SH2B2: variants seen among roughly 807,000 people sequenced by gnomAD.
The protein encoded by SH2B2 is SH2B adaptor protein 2.
SH2B2 carries 37 observed loss-of-function variants against 35.7 expected under a neutral mutation model. The ratio of observed to expected loss-of-function variants is 1.04; its 90% CI spans 0.80 to 1.36. The LOEUF (loss-of-function observed/expected upper bound fraction) is 1.36. Ranked by LOEUF, SH2B2 falls within the 40% of genes most tolerant of loss-of-function variation. SH2B2 has a pLI of 0.00. For synonymous variants in SH2B2, 383 were observed against 376.4 expected (o/e 1.02, Z -0.20); for missense variants, 852 against 817.7 (o/e 1.04, Z -0.51).
At chr7:102,319,477 T>C (rs945210872) in intron 7 of SH2B2, among the ~76,000 whole-genome samples, 1 of 152,128 alleles carries the variant, frequency 6.6e-6, no homozygotes, top group Non-Finnish European at 1.5e-5. Context: ...TGACCTCCCG[T>C]GATCCATTCC....
chr7:102,313,960 AG>A (rs1289847868), intron 4 of SH2B2, among the ~76,000 whole-genome samples: 2 of 152,108 alleles, frequency 1.3e-5, no homozygotes, highest in East Asian at 1.9e-4. Context: ...TTTTGGGAAA[AG>A]GGGTTCTGGT....
At chr7:102,320,279 C>A in intron 7 of SH2B2, 52 bp from the exon 8 acceptor site, 1 of 1,470,692 alleles carries the variant, frequency 6.8e-7, no homozygotes, top group Non-Finnish European at 9.4e-7. Flanking sequence ...AGGCGCTTAC[C>A]CAGGTGCCCA....
At chr7:102,319,931 G>T in intron 7 of SH2B2, among the ~76,000 whole-genome samples, 1 of 152,050 alleles carries the variant, frequency 6.6e-6, no homozygotes, top group Non-Finnish European at 1.5e-5. Context: ...TGGGCTGGGG[G>T]AACCACCCAA....
Position 102,300,673 on chromosome 7 carries a change from G to A in SH2B2, c.123G>A (p.Lys41=). 2 of 1,548,358 alleles carry A rather than the reference G, an allele frequency of 1.3e-6. No homozygotes were observed. Among genetic ancestry groups the A allele is most frequent in the Non-Finnish European group, 1.7e-6 (2 of 1,144,496 alleles). Residue 41 remains lysine, a synonymous_variant, in exon 2 of 9, where the codon AAG becomes AAA. Transcript: ENST00000444095. ...AQAAAVDFAH[K]FCRFLRDNPA... Reference sequence around the variant, plus strand: ...CGGCCGCCGTGGACTTTGCGCACAAGTTCTGCCGTTTCCTGCGGGACAACC... The same window carrying A: ...CGGCCGCCGTGGACTTTGCGCACAAATTCTGCCGTTTCCTGCGGGACAACC...
upstream of SH2B2, among the ~76,000 whole-genome samples, chr7:102,286,366 T>A (rs1213446803): frequency 6.6e-6 from 1 of 152,166 alleles, no homozygotes; most frequent in Non-Finnish European, 1.5e-5. Context: ...GCTCCCATTG[T>A]CCCTGCTGCG....
Position 102,301,180 on chromosome 7 carries a change from G to A in SH2B2, c.630G>A (p.Ala210=). Residue 210 remains alanine (A), a synonymous_variant, in exon 2 of 9, where the codon GCG becomes GCA. Coordinates refer to ENST00000444095, the MANE Select transcript of SH2B2 (RefSeq NM_001359228.2). ...TCATGGTGGCCGACGACGCGGCCGCGGGCTCCGGGGGCTCGGCTCAGTGGC... is the reference window on the plus strand; with the variant it reads ...TCATGGTGGCCGACGACGCGGCCGCAGGCTCCGGGGGCTCGGCTCAGTGGC... ...LRFMVADDAA[A]GSGGSAQWQK... is the part of the protein sequence containing the mutation. 6.3e-7 allele frequency: 1 copy of A among 1,576,554 alleles called. No homozygotes were observed. The highest frequency in any genetic ancestry group is 8.6e-7 in the Non-Finnish European group (1 of 1,164,110).
chr7:102,319,512 TTACAGGCGTGAG>T (rs1413393222), intron 7 of SH2B2, among the ~76,000 whole-genome samples: 1 of 152,118 alleles, frequency 6.6e-6, no homozygotes. Context: ...AGTGCTGGGA[TTACAGGCGTGAG>T]CCACCACACC....
intron 1 of SH2B2, among the ~76,000 whole-genome samples, chr7:102,299,196 G>GTTTTTTTTTGTTTTTTTTT (rs1793046884): frequency 3.4e-5 from 1 of 29,132 alleles, no homozygotes; most frequent in Non-Finnish European, 6.2e-5. Flanking sequence ...ACCGCGCCTG[G>GTTTTTTTTTGTTTTTTTTT]CTTTTTTTTT....
chr7:102,308,419 G>A (rs1020665043), intron 3 of SH2B2, among the ~76,000 whole-genome samples: 11 of 152,208 alleles, frequency 7.2e-5, no homozygotes, highest in African/African-American at 2.7e-4. Context: ...CCCCTACTCA[G>A]TGTGCTTGGC....
intron 4 of SH2B2, among the ~76,000 whole-genome samples, chr7:102,309,821 G>A (rs1554555706): frequency 1.3e-5 from 2 of 152,142 alleles, no homozygotes. Context: ...GATGGGAGAG[G>A]GCAGAGAGAA....
intron 3 of SH2B2, among the ~76,000 whole-genome samples, chr7:102,307,830 G>A (rs1428988418): frequency 2.6e-5 from 4 of 151,828 alleles, no homozygotes; most frequent in African/African-American, 7.3e-5. Flanking sequence ...GAGTGCAATG[G>A]CGCGATCTCG....
intron 4 of SH2B2, among the ~76,000 whole-genome samples, chr7:102,310,666 C>T (rs1563562656): frequency 6.6e-6 from 1 of 152,208 alleles, no homozygotes; most frequent in African/African-American, 2.4e-5. Flanking sequence ...TAATTAACAG[C>T]TTCATTTAAA....
chr7:102,306,516 G>A (rs1793404527), intron 2 of SH2B2, among the ~76,000 whole-genome samples: 1 of 152,210 alleles, frequency 6.6e-6, no homozygotes, highest in Admixed American at 6.5e-5. Flanking sequence ...GAGCCACCAT[G>A]CCTAGCCAGG....
At chr7:102,309,490 A>T in intron 4 of SH2B2, 1 of 310,680 alleles carries the variant, frequency 3.2e-6, no homozygotes. Flanking sequence ...CCTCCTAAGT[A>T]GCTGTGATTA....
chr7:102,295,443 T>C (rs803097), intron 1 of SH2B2, among the ~76,000 whole-genome samples: 36,570 of 152,134 alleles, frequency 0.24, 5,035 homozygotes, highest in South Asian at 0.36. Flanking sequence ...CCCCTGCAGG[T>C]CATGGCCTGG....
In SH2B2 at chr7:102,308,766, A is replaced by G. The variant is rs1554555343; in HGVS notation, c.832-49A>G. On this transcript the variant is annotated intron_variant, in intron 3 of 8. Transcript: ENST00000444095. ...TCTGACCCTATGTCCTGTGGTCTGG[A>G]GCCCATCTGCTGACCGTGTTCTGCA... 2.1e-5 allele frequency: 29 copies of G among 1,380,768 alleles called. 1 individual carries two copies. The Middle Eastern group carries it at 7.2e-4, about 34-fold the overall frequency. The allele number at this position is 1,380,768 out of a possible 1,614,324, so 85.5% of individuals were successfully genotyped here.
Position 102,301,036 on chromosome 7 carries a change from G to A in SH2B2, c.486G>A (p.Ala162=). The A allele has an allele frequency of 1.5e-6, 2 of 1,377,538 alleles. No homozygotes were observed. The highest frequency in any genetic ancestry group is 1.9e-6 in the Non-Finnish European group (2 of 1,068,914). 85.3% of individuals were successfully genotyped at this position (1,377,538 alleles called of 1,614,324 possible). A position where few individuals can be genotyped will look rare whatever the true frequency, so the allele number is the denominator to read the frequency against. The change falls in exon 2 of 9, where the codon GCG becomes GCA. Residue 162 remains alanine (A), a synonymous_variant. Coordinates refer to ENST00000444095, the MANE Select transcript of SH2B2 (RefSeq NM_001359228.2). ...GGCGCGCCTCGCCCGAGCCCGACGCGGCAGCTGCCCCGCGCACCGCCGAGC... is the reference window on the plus strand; with the variant it reads ...GGCGCGCCTCGCCCGAGCCCGACGCAGCAGCTGCCCCGCGCACCGCCGAGC... ...WHRRASPEPD[A]AAAPRTAEPR...
chr7:102,292,624 G>C (rs1792715516), intron 1 of SH2B2, among the ~76,000 whole-genome samples: 1 of 128,282 alleles, frequency 7.8e-6, no homozygotes, highest in Non-Finnish European at 1.6e-5. Context: ...CTTGGGCCCA[G>C]GAGTTCAAGG....
chr7:102,315,744 G>GAAAAGA (rs113140098), intron 6 of SH2B2, among the ~76,000 whole-genome samples: 3 of 90,584 alleles, frequency 3.3e-5, no homozygotes, highest in Non-Finnish European at 3.9e-5. Context: ...CCTGTGAAAA[G>GAAAAGA]AAAAAAAAAA....
Sources: allele counts gnomAD v4.1 joint callset (sites outside exome capture counted in the v4.1 genomes callset), GRCh38; gene constraint gnomAD v4.1.1; transcripts MANE v1.5; gene names NCBI Gene and HGNC (gene_info 2026-07-23, HGNC 2026-07-21).